SYT1: variants seen among roughly 807,000 people sequenced by gnomAD.
SYT1 encodes synaptotagmin-1.
SYT1 carries 8 observed loss-of-function variants against 44.8 expected under a neutral mutation model. The observed-to-expected ratio is 0.18, with a 90% CI of 0.10 to 0.32. SYT1 has a LOEUF of 0.32. Ranked by LOEUF, SYT1 falls within the 10% of genes least tolerant of loss-of-function variation. The pLI, the probability that SYT1 is intolerant of heterozygous loss-of-function variation, is 1.00. For synonymous variants in SYT1, 154 were observed against 188.8 expected, an observed-to-expected ratio of 0.82 and a Z score of 1.51; for missense variants, 286 against 509.3, an observed-to-expected ratio of 0.56 and a Z score of 4.22.
At chr12:79,113,931 T>C (rs1037847650) in intron 3 of SYT1, among the ~76,000 whole-genome samples, 3 of 152,156 alleles carry the variant, frequency 2.0e-5, no homozygotes, top group Non-Finnish European at 4.4e-5. Flanking sequence ...TCTCCCCATC[T>C]CTGCTGCCTC....
chr12:78,928,576 C>T (rs1249591247), intron 1 of SYT1, among the ~76,000 whole-genome samples: 3 of 152,002 alleles, frequency 2.0e-5, no homozygotes, highest in African/African-American at 7.2e-5. Context: ...TACTATTGTG[C>T]TTTGGGGTTA....
At chr12:78,929,446 A>AAAAAAAG (rs373264605) in intron 1 of SYT1, among the ~76,000 whole-genome samples, 8 of 128,590 alleles carry the variant, frequency 6.2e-5, no homozygotes, top group African/African-American at 3.1e-4. Context: ...AAAAAAAAAA[A>AAAAAAAG]GGTTATTAGC....
intron 2 of SYT1, among the ~76,000 whole-genome samples, chr12:79,041,133 T>A (rs1474699371): frequency 6.6e-6 from 1 of 151,410 alleles, no homozygotes; most frequent in Non-Finnish European, 1.5e-5. Context: ...ATATGAACTT[T>A]AAAGTAGTTT....
chr12:78,938,587 A>G (rs1003768840), intron 1 of SYT1, among the ~76,000 whole-genome samples: 4 of 152,208 alleles, frequency 2.6e-5, no homozygotes, highest in African/African-American at 9.6e-5. Context: ...AAACTCACAC[A>G]CATGCACAAG....
chr12:79,061,371 C>T (rs1416814981), intron 3 of SYT1, among the ~76,000 whole-genome samples: 1 of 152,098 alleles, frequency 6.6e-6, no homozygotes, highest in Non-Finnish European at 1.5e-5. Context: ...AATCCTCACA[C>T]TGAAAAGTAG....
chr12:79,259,839 T>G (rs559144126), intron 4 of SYT1, among the ~76,000 whole-genome samples: 1 of 152,356 alleles, frequency 6.6e-6, no homozygotes, highest in South Asian at 2.1e-4. Flanking sequence ...AAAATACCTA[T>G]TATTTTTTCT....
At chr12:78,992,772 T>C (rs1202919727) in intron 2 of SYT1, among the ~76,000 whole-genome samples, 1 of 152,202 alleles carries the variant, frequency 6.6e-6, no homozygotes, top group Non-Finnish European at 1.5e-5. Context: ...GGCAGTCTTC[T>C]TGCTGTCATG....
rs147205099 is a variant in SYT1 at position 79,162,298 on chromosome 12, A to T, written c.-17-55205A>T. On this transcript the variant is annotated intron_variant, in intron 3 of 10. Transcript: ENST00000261205. ...AAATATTAGGTGAAGCCTCCCATTG[A>T]TAATGTGACTCATTATTTTAAATAC... Among the ~76,000 whole-genome samples the T allele has an allele frequency of 1.2e-3, 180 of 152,276 alleles. 2 individuals carry two copies. Among genetic ancestry groups the T allele is most frequent in the African/African-American group, 4.0e-3 (167 of 41,578 alleles).
At chr12:78,878,407 G>T (rs1442661359) in intron 1 of SYT1, among the ~76,000 whole-genome samples, 1 of 151,780 alleles carries the variant, frequency 6.6e-6, no homozygotes, top group Admixed American at 6.6e-5. Flanking sequence ...GTGCTAACAT[G>T]TGAAGGTCTG....
intron 1 of SYT1, among the ~76,000 whole-genome samples, chr12:78,953,950 A>G (rs984253068): frequency 1.3e-5 from 2 of 151,982 alleles, no homozygotes; most frequent in Non-Finnish European, 2.9e-5. Flanking sequence ...CTAACATTTC[A>G]GTTGTTTTTA....
chr12:79,133,232 A>G (rs1047008133), intron 3 of SYT1, among the ~76,000 whole-genome samples: 24 of 152,212 alleles, frequency 1.6e-4, no homozygotes, highest in African/African-American at 5.8e-4. Context: ...AAATTGCTAG[A>G]AGAGGGTCAG....
At chr12:78,923,424 T>C (rs1877118672) in intron 1 of SYT1, among the ~76,000 whole-genome samples, 1 of 151,894 alleles carries the variant, frequency 6.6e-6, no homozygotes, top group South Asian at 2.1e-4. Flanking sequence ...ACAGAGAAAG[T>C]AGTGACTAAA....
In SYT1 at chr12:79,242,030, GTC is replaced by G. The variant is rs35207328; in HGVS notation, c.166+24352_166+24353del. ...AACTGAGAGAAAGGCATGGAACAGA[GTC>G]TCTCTCAGAGCATTCAGAAACAGTA... On this transcript the variant is annotated intron_variant, in intron 4 of 10. Transcript: ENST00000261205. Among the ~76,000 whole-genome samples, 537 of 152,310 alleles carry G rather than the reference GTC, an allele frequency of 3.5e-3. 3 individuals carry two copies. The highest frequency in any genetic ancestry group is 0.012 in the African/African-American group (495 of 41,570).
intron 2 of SYT1, among the ~76,000 whole-genome samples, chr12:79,038,306 TA>T (rs1468870302): frequency 6.6e-6 from 1 of 151,618 alleles, no homozygotes; most frequent in Non-Finnish European, 1.5e-5. Flanking sequence ...TACCATTATC[TA>T]AATCACAATC....
At chr12:79,271,745 A>G (rs1878438335) in intron 4 of SYT1, among the ~76,000 whole-genome samples, 1 of 152,194 alleles carries the variant, frequency 6.6e-6, no homozygotes, top group African/African-American at 2.4e-5. Context: ...ACTTGCTAAT[A>G]CTAATTTATT....
rs961447937 is a variant in SYT1, at chr12:79,444,340, T to C, written c.1062+134T>C. Reference sequence around the variant, plus strand: ...TGCCATTCTTTCTCCCCATGCACATTTGATGCTTGAGCTACATCAGGAAGG... The same window carrying C: ...TGCCATTCTTTCTCCCCATGCACATCTGATGCTTGAGCTACATCAGGAAGG... On this transcript the variant is annotated intron_variant, in intron 10 of 10. Transcript: ENST00000261205. 5.4e-6 allele frequency: 6 copies of C among 1,119,754 alleles called. No individual in the cohort carries two copies. In the South Asian group the frequency reaches 6.2e-5, roughly 12 times the overall value. 69.4% of individuals were successfully genotyped at this position (1,119,754 alleles called of 1,614,324 possible).
At chr12:79,283,680 A>T (rs954269704) in intron 4 of SYT1, among the ~76,000 whole-genome samples, 1 of 152,172 alleles carries the variant, frequency 6.6e-6, no homozygotes, top group Non-Finnish European at 1.5e-5. Flanking sequence ...AGATGCTTTT[A>T]AATGAAGTAT....
intron 8 of SYT1, among the ~76,000 whole-genome samples, chr12:79,352,724 T>C (rs889343289): frequency 6.6e-6 from 1 of 152,166 alleles, no homozygotes; most frequent in East Asian, 1.9e-4. Flanking sequence ...CTCTATACCA[T>C]CATCATTGTA....
intron 9 of SYT1, among the ~76,000 whole-genome samples, chr12:79,439,785 G>C (rs1253153079): frequency 6.6e-6 from 1 of 152,068 alleles, no homozygotes; most frequent in African/African-American, 2.4e-5. Flanking sequence ...CACACAGCTA[G>C]AAAAAAGCAG....
Sources: gnomAD v4.1 joint callset for allele counts (sites outside exome capture counted in the v4.1 genomes callset) on GRCh38, gnomAD v4.1.1 for gene constraint, MANE v1.5 for transcripts, NCBI Gene and HGNC (gene_info 2026-07-23, HGNC 2026-07-21) for gene names.